Variants in CAMK1D observed in about 807,000 individuals in gnomAD.
CAMK1D encodes calcium/calmodulin-dependent protein kinase type 1D.
In CAMK1D, 9 loss-of-function variants were observed where a neutral mutation model predicts 47.7. That is an observed-to-expected ratio of 0.19 (90% CI 0.11 to 0.33). CAMK1D has a LOEUF of 0.33. Among genes scored for constraint, CAMK1D ranks in the 10% least tolerant of loss-of-function variants. The pLI, the probability that CAMK1D is intolerant of heterozygous loss-of-function variation, is 1.00. For missense variants in CAMK1D, 291 were observed against 488.7 expected (o/e 0.60, Z 3.81); for synonymous variants, 184 against 184.9 (o/e 0.99, Z 0.04).
intron 3 of CAMK1D, among the ~76,000 whole-genome samples, chr10:12,701,606 C>T (rs1047787860): frequency 6.6e-6 from 1 of 152,206 alleles, no homozygotes; most frequent in Non-Finnish European, 1.5e-5. Flanking sequence ...ATGATCACCC[C>T]AGGCTTTCTA....
intron 6 of CAMK1D, among the ~76,000 whole-genome samples, chr10:12,811,330 GCC>G (rs1431959324): frequency 6.6e-6 from 1 of 152,196 alleles, no homozygotes; most frequent in Non-Finnish European, 1.5e-5. Flanking sequence ...AAGTTAAACA[GCC>G]CAAGGTTGTT....
rs1377912784 is a variant in CAMK1D, at chr10:12,425,343, G to A, written c.92+75433G>A. 8.8e-5 allele frequency among the ~76,000 whole-genome samples: 13 copies of A among 147,856 alleles called. No individual in the cohort carries two copies. The Admixed American group carries it at 8.9e-4, about 10-fold the overall frequency. ...GTCCCCCAGGCTGGGGTGCAATGGTGCAGTCTCGGCTCACTGCAACTTCTG... is the reference window on the plus strand; with the variant it reads ...GTCCCCCAGGCTGGGGTGCAATGGTACAGTCTCGGCTCACTGCAACTTCTG... On this transcript the variant is annotated intron_variant, in intron 1 of 10. Coordinates refer to ENST00000619168, the MANE Select transcript of CAMK1D (RefSeq NM_153498.4).
intron 1 of CAMK1D, among the ~76,000 whole-genome samples, chr10:12,378,007 G>T (rs370969920): frequency 1.2e-4 from 18 of 152,324 alleles, no homozygotes; most frequent in African/African-American, 4.3e-4. Context: ...TTTGCACATG[G>T]TTAATTCCAG....
At chr10:12,404,347 AT>A (rs1181798685) in intron 1 of CAMK1D, among the ~76,000 whole-genome samples, 1 of 152,174 alleles carries the variant, frequency 6.6e-6, no homozygotes, top group Non-Finnish European at 1.5e-5. Context: ...GCCCGGCCTT[AT>A]TTGAGCTTTT....
chr10:12,761,965 T>C lies in CAMK1D; in HGVS notation c.438+879T>C, dbSNP rs192669294. On this transcript the variant is annotated intron_variant, in intron 4 of 10. Coordinates refer to ENST00000619168, the MANE Select transcript of CAMK1D (RefSeq NM_153498.4). ...TAATGAGGTTTTGGTATATTGACCC[T>C]TTCCCCGTTGGCACAGAAGGATCTG... Among the ~76,000 whole-genome samples, 185 of 152,340 alleles carry C rather than the reference T, an allele frequency of 1.2e-3. 1 individual carries two copies. The highest frequency in any genetic ancestry group is 5.9e-3 in the Admixed American group (91 of 15,304).
At chr10:12,792,960 G>A (rs74118610) in intron 6 of CAMK1D, among the ~76,000 whole-genome samples, 18 of 68,370 alleles carry the variant, frequency 2.6e-4, no homozygotes, top group East Asian at 1.4e-3. Flanking sequence ...ATGTGTGCGC[G>A]CACACACACA....
chr10:12,581,579 T>C (rs1837665447), intron 2 of CAMK1D, among the ~76,000 whole-genome samples: 2 of 152,090 alleles, frequency 1.3e-5, no homozygotes, highest in Admixed American at 1.3e-4. Context: ...ATTATGGCCA[T>C]TCTTGCAGGA....
intron 1 of CAMK1D, among the ~76,000 whole-genome samples, chr10:12,419,685 T>C (rs1839984243): frequency 7.0e-6 from 1 of 143,172 alleles, no homozygotes; most frequent in Non-Finnish European, 1.5e-5. Flanking sequence ...AATAGAGTTC[T>C]TGTTAACTTC....
intron 1 of CAMK1D, among the ~76,000 whole-genome samples, chr10:12,421,394 C>T (rs114158338): frequency 2.8e-3 from 429 of 152,200 alleles, no homozygotes; most frequent in African/African-American, 9.1e-3. Context: ...CAGATGTTCC[C>T]TAGCCGCAGT....
At chr10:12,622,076 G>A (rs557708806) in intron 2 of CAMK1D, among the ~76,000 whole-genome samples, 50 of 152,252 alleles carry the variant, frequency 3.3e-4, no homozygotes, top group African/African-American at 1.2e-3. Flanking sequence ...GTTAGGCCTC[G>A]TTACTAGCCA....
chr10:12,365,111 C>T lies in CAMK1D; in HGVS notation c.92+15201C>T, dbSNP rs1176663867. On this transcript the variant is annotated intron_variant, in intron 1 of 10. Coordinates refer to ENST00000619168, the MANE Select transcript of CAMK1D (RefSeq NM_153498.4). ...AGCTGGGATTATAGGTATACACCAC[C>T]ACGCCAGGCTAATTTTGTATGTTCA... is the stretch of plus-strand genomic sequence containing the variant. Among the ~76,000 whole-genome samples, 2 of 151,946 alleles carry T rather than the reference C, an allele frequency of 1.3e-5. 1 individual carries two copies. Among genetic ancestry groups the T allele is most frequent in the Middle Eastern group, 6.4e-3 (2 of 314 alleles).
intron 6 of CAMK1D, among the ~76,000 whole-genome samples, chr10:12,804,792 G>A (rs1838645467): frequency 1.4e-5 from 2 of 144,154 alleles, no homozygotes; most frequent in Non-Finnish European, 1.5e-5. Context: ...AAAAAAATTA[G>A]CCCAGTATGG....
At chr10:12,530,013 A>C (rs534487042) in intron 1 of CAMK1D, among the ~76,000 whole-genome samples, 2 of 152,358 alleles carry the variant, frequency 1.3e-5, no homozygotes, top group East Asian at 1.9e-4. Flanking sequence ...ACATTTAGCC[A>C]ACTGGCAACC....
intron 2 of CAMK1D, among the ~76,000 whole-genome samples, chr10:12,636,171 T>G (rs1007706581): frequency 6.6e-6 from 1 of 152,248 alleles, no homozygotes; most frequent in Non-Finnish European, 1.5e-5. Context: ...TTTCATCTTA[T>G]AAAATACCCT....
At chr10:12,684,820 T>A (rs1191391912) in intron 3 of CAMK1D, among the ~76,000 whole-genome samples, 2 of 152,154 alleles carry the variant, frequency 1.3e-5, no homozygotes, top group African/African-American at 4.8e-5. Flanking sequence ...TTATTTAGTG[T>A]CAAGATCTTT....
chr10:12,704,943 G>A (rs959892309), intron 3 of CAMK1D, among the ~76,000 whole-genome samples: 3 of 152,022 alleles, frequency 2.0e-5, no homozygotes, highest in Non-Finnish European at 4.4e-5. Context: ...AATATCATTG[G>A]GCAGAATCAA....
At chr10:12,561,629 G>A (rs753981394) in intron 2 of CAMK1D, among the ~76,000 whole-genome samples, 1 of 152,172 alleles carries the variant, frequency 6.6e-6, no homozygotes, top group Non-Finnish European at 1.5e-5. Flanking sequence ...CCATTATTTG[G>A]TGATCGTTGT....
At chr10:12,753,077 C>A (rs527593732) in intron 3 of CAMK1D, among the ~76,000 whole-genome samples, 1 of 152,168 alleles carries the variant, frequency 6.6e-6, no homozygotes, top group East Asian at 1.9e-4. Flanking sequence ...CATGGTGAAA[C>A]CCCATCTCTA....
In CAMK1D at chr10:12,666,709, A is replaced by G. The variant is rs369057784; in HGVS notation, c.225-27A>G. On this transcript the variant is annotated intron_variant, in intron 2 of 10. Coordinates refer to ENST00000619168, the MANE Select transcript of CAMK1D (RefSeq NM_153498.4). ...ATTTTCCTATCTAATCATACTCACTATTTTGTGCGTCTATTTTTTTTTTCA... is the reference window on the plus strand; with the variant it reads ...ATTTTCCTATCTAATCATACTCACTGTTTTGTGCGTCTATTTTTTTTTTCA... 7.6e-6 allele frequency: 12 copies of G among 1,575,950 alleles called. No individual in the cohort carries two copies. The African/African-American group carries it at 1.5e-4, about 20-fold the overall frequency.
Sources: allele counts gnomAD v4.1 joint callset (sites outside exome capture counted in the v4.1 genomes callset), GRCh38; gene constraint gnomAD v4.1.1; transcripts MANE v1.5; gene names NCBI Gene and HGNC (gene_info 2026-07-23, HGNC 2026-07-21).